The following HHIP variants were observed in gnomAD, a reference collection of about 807,000 sequenced individuals.
The protein encoded by HHIP is hedgehog-interacting protein.
A neutral mutation model predicts 74.0 loss-of-function variants in HHIP; 12 were observed. The observed-to-expected ratio is 0.16, with a 90% CI of 0.10 to 0.26. The LOEUF is 0.26. HHIP is among the 10% of genes least tolerant of loss of function. The probability of loss-of-function intolerance (pLI) is 1.00; values close to 1 mark genes in which losing one functional copy is unlikely to be tolerated. For synonymous variants in HHIP, 309 were observed against 311.6 expected (o/e 0.99, Z 0.09); for missense variants, 788 against 845.0 (o/e 0.93, Z 0.84).
At chr4:144,726,862 C>T (rs1056504051) in intron 11 of HHIP, among the ~76,000 whole-genome samples, 1 of 152,216 alleles carries the variant, frequency 6.6e-6, no homozygotes. Context: ...TCAGGGTGCA[C>T]ATCCACTTTT....
chr4:144,708,463 G>C, intron 7 of HHIP, 152 bp downstream of exon 7: 1 of 685,350 alleles, frequency 1.5e-6, no homozygotes, highest in South Asian at 1.9e-5. Context: ...CATTACTCAA[G>C]TGAGTATTTA....
At chr4:144,699,588 C>T (rs1729920720) in intron 4 of HHIP, among the ~76,000 whole-genome samples, 1 of 151,980 alleles carries the variant, frequency 6.6e-6, no homozygotes, top group African/African-American at 2.4e-5. Context: ...CTGCAAGCCC[C>T]CATCTTGAAG....
chr4:144,675,216 G>C (rs1036388418), intron 4 of HHIP, among the ~76,000 whole-genome samples: 1 of 152,110 alleles, frequency 6.6e-6, no homozygotes, highest in Non-Finnish European at 1.5e-5. Context: ...AGGAAACACT[G>C]CAGAACATTT....
Position 144,730,931 on chromosome 4 carries a change from C to T in HHIP, c.1761-3810C>T, listed in dbSNP as rs569902873. On this transcript the variant is annotated intron_variant, in intron 11 of 12. Transcript: ENST00000296575. ...TTTAATGTGTTGACTTAATTCCCAT[C>T]TGTAAGAGAAGACAATCCTCTCTCT... 2.6e-5 allele frequency among the ~76,000 whole-genome samples: 4 copies of T among 152,266 alleles called. No homozygotes were observed. The South Asian group carries it at 8.3e-4, about 32-fold the overall frequency.
At chr4:144,697,052 A>T (rs1042729443) in intron 4 of HHIP, among the ~76,000 whole-genome samples, 1 of 151,876 alleles carries the variant, frequency 6.6e-6, no homozygotes, top group African/African-American at 2.4e-5. Context: ...TTTTTTTTAA[A>T]TTTTTTGTTC....
In HHIP at chr4:144,742,330, T is replaced by C. The variant is rs1159036046; in HGVS notation, c.*4373T>C. Reference sequence around the variant, plus strand: ...GTAAACAAATGACATACTAGGCTGATCTATTACAATCATTGAAAGAAATAA... The same window carrying C: ...GTAAACAAATGACATACTAGGCTGACCTATTACAATCATTGAAAGAAATAA... On this transcript the variant is annotated 3_prime_UTR_variant, in exon 13 of 13. Transcript: ENST00000296575. 6.6e-6 allele frequency: 1 copy of C among 152,140 alleles called. No homozygotes were observed. Among genetic ancestry groups the C allele is most frequent in the Admixed American group, 6.5e-5 (1 of 15,268 alleles). 9.4% of individuals were successfully genotyped at this position (152,140 alleles called of 1,614,324 possible).
At chr4:144,702,698 T>C (rs1730019607) in intron 4 of HHIP, among the ~76,000 whole-genome samples, 1 of 151,852 alleles carries the variant, frequency 6.6e-6, no homozygotes, top group African/African-American at 2.4e-5. Context: ...TTTTAAAGCA[T>C]TACCAAACTG....
chr4:144,728,324 G>A (rs116753747), intron 11 of HHIP, among the ~76,000 whole-genome samples: 1,771 of 152,238 alleles, frequency 0.012, 40 homozygotes, highest in African/African-American at 0.04. Flanking sequence ...TCCTCAAAAT[G>A]AAGAAAATAT....
chr4:144,652,554 A>C (rs748831575), intron 1 of HHIP, 51 bp from the exon 2 acceptor site: 1 of 1,125,076 alleles, frequency 8.9e-7, no homozygotes, highest in South Asian at 1.3e-5. Context: ...ATAATAGCTA[A>C]ACCTAAATTT....
chr4:144,675,285 A>C (rs1381289110), intron 4 of HHIP, among the ~76,000 whole-genome samples: 2 of 152,170 alleles, frequency 1.3e-5, no homozygotes, highest in African/African-American at 4.8e-5. Flanking sequence ...CATAAGAACA[A>C]TTAGAGATGA....
chr4:144,698,819 C>T (rs1729895740), intron 4 of HHIP, among the ~76,000 whole-genome samples: 1 of 152,100 alleles, frequency 6.6e-6, no homozygotes, highest in Non-Finnish European at 1.5e-5. Context: ...TTTTCCCAAA[C>T]TTAAGTTTAG....
At chr4:144,734,931 C>A (rs1212365004) in intron 12 of HHIP, 42 bp downstream of exon 12, 1 of 1,559,536 alleles carries the variant, frequency 6.4e-7, no homozygotes, top group Non-Finnish European at 8.8e-7. Context: ...TGGGGATGAG[C>A]CAATCCTTAG....
chr4:144,735,909 T>C (rs1010409284), intron 12 of HHIP, among the ~76,000 whole-genome samples: 2 of 152,288 alleles, frequency 1.3e-5, no homozygotes, highest in East Asian at 1.9e-4. Flanking sequence ...ATTAATACTA[T>C]GGTTATGTAT....
chr4:144,721,127 GAAT>G (rs1730622336), intron 11 of HHIP, among the ~76,000 whole-genome samples: 1 of 152,106 alleles, frequency 6.6e-6, no homozygotes, highest in Non-Finnish European at 1.5e-5. Context: ...AGGTTTGCTA[GAAT>G]AATGTTTTCA....
Position 144,706,679 on chromosome 4 carries a change from C to G in HHIP, c.980C>G (p.Ser327Cys). The G allele has an allele frequency of 1.3e-6, 2 of 1,597,562 alleles. No individual in the cohort carries two copies. The highest frequency in any genetic ancestry group is 1.7e-6 in the Non-Finnish European group (2 of 1,175,746). Residue 327 changes from serine (S) to cysteine (C), a missense_variant, in exon 5 of 13, where the codon TCC becomes TGC. Transcript: ENST00000296575. ...HILRVVEYTV[S>C]RKNPHQVDLR... Reference sequence around the variant, plus strand: ...CTTAGGGTTGTGGAATACACAGTATCCAGGTATCACTAAAAGGCATCGAAG... The same window carrying G: ...CTTAGGGTTGTGGAATACACAGTATGCAGGTATCACTAAAAGGCATCGAAG...
intron 8 of HHIP, among the ~76,000 whole-genome samples, chr4:144,713,668 A>T (rs1036200294): frequency 6.6e-6 from 1 of 152,202 alleles, no homozygotes; most frequent in African/African-American, 2.4e-5. Flanking sequence ...CTCTATAAAC[A>T]GAACATTAAA....
chr4:144,690,214 T>C (rs536122119), intron 4 of HHIP, among the ~76,000 whole-genome samples: 10 of 152,290 alleles, frequency 6.6e-5, no homozygotes, highest in African/African-American at 2.4e-4. Flanking sequence ...ACCCACACAC[T>C]GAATATTTGA....
intron 7 of HHIP, among the ~76,000 whole-genome samples, chr4:144,709,762 C>T (rs1032710726): frequency 6.6e-6 from 1 of 152,088 alleles, no homozygotes; most frequent in African/African-American, 2.4e-5. Context: ...TCTCCCACTC[C>T]CCTTTTATTA....
chr4:144,722,194 T>C (rs1465985377), intron 11 of HHIP, among the ~76,000 whole-genome samples: 3 of 152,142 alleles, frequency 2.0e-5, no homozygotes, highest in Admixed American at 1.3e-4. Context: ...TGGCAATAAC[T>C]TTACTTTCAC....
Sources: allele counts gnomAD v4.1 joint callset (sites outside exome capture counted in the v4.1 genomes callset), GRCh38; gene constraint gnomAD v4.1.1; transcripts MANE v1.5; gene names NCBI Gene and HGNC (gene_info 2026-07-23, HGNC 2026-07-21).